The following HLA-DPA1 variants were observed in gnomAD, a reference collection of about 807,000 sequenced individuals.
HLA-DPA1 encodes the protein HLA class II histocompatibility antigen, DP alpha 1 chain.
In HLA-DPA1, 20 loss-of-function variants were observed where a neutral mutation model predicts 21.5. The ratio of observed to expected loss-of-function variants is 0.93; its 90% CI spans 0.66 to 1.35. The LOEUF is 1.35. Among genes scored for constraint, HLA-DPA1 ranks in the 40% most tolerant of loss-of-function variants. The probability of loss-of-function intolerance (pLI) is 0.00; values close to 1 mark genes in which losing one functional copy is unlikely to be tolerated. For synonymous variants in HLA-DPA1, 123 were observed against 129.6 expected (o/e 0.95, Z 0.35); for missense variants, 279 against 323.0 (o/e 0.86, Z 1.05).
chr6:33,078,285 G>T (rs1037993135), intron 1 of HLA-DPA1, among the ~76,000 whole-genome samples: 3 of 152,156 alleles, frequency 2.0e-5, no homozygotes, highest in East Asian at 1.9e-4. Flanking sequence ...TCCCTGCGTA[G>T]AATGAATGTT....
chr6:33,069,796 T>C (rs745439716), exon 3 of HLA-DPA1: 5 of 1,611,364 alleles, frequency 3.1e-6, no homozygotes, highest in East Asian at 2.2e-5. Context: ...CAGATCCACA[T>C]AGAACATCTC....
intron 1 of HLA-DPA1, 31 bp from the exon 1 acceptor site, chr6:33,073,680 G>A: frequency 1.4e-6 from 1 of 725,108 alleles, no homozygotes; most frequent in Non-Finnish European, 2.4e-6. Context: ...CTGGAAATGG[G>A]TGGAGAGGAA....
At chr6:33,068,656 G>C (rs756588838) in exon 5 of HLA-DPA1, 144 of 1,611,766 alleles carry the variant, frequency 8.9e-5, no homozygotes, top group Non-Finnish European at 1.1e-4. Context: ...TATTTCACAG[G>C]GTCCCCTGGG....
chr6:33,078,748 T>TA (rs1476927891), intron 1 of HLA-DPA1, among the ~76,000 whole-genome samples: 2 of 152,138 alleles, frequency 1.3e-5, no homozygotes, highest in Non-Finnish European at 2.9e-5. Flanking sequence ...CTGGGTAAAT[T>TA]AAAAAAATTA....
In HLA-DPA1 at chr6:33,080,578, A is replaced by G; in HGVS notation, c.-100+102T>C. The G allele has an allele frequency of 6.4e-7, 1 of 1,569,764 alleles. No homozygotes were observed. The highest frequency in any genetic ancestry group is 8.7e-7 in the Non-Finnish European group (1 of 1,143,294). On this transcript the variant is annotated intron_variant, in intron 1 of 5. Transcript: ENST00000419277. The surrounding 1 kb of genome is among the most constrained non-coding windows in gnomAD (Gnocchi z 4.3). ...TTTTAAAATCCAGCCCTGGGTGGGA[A>G]GATTTGGGAAGAATCGTTAATATTG...
At chr6:33,070,490 A>T (rs1259200628) in intron 2 of HLA-DPA1, among the ~76,000 whole-genome samples, 1 of 152,174 alleles carries the variant, frequency 6.6e-6, no homozygotes, top group Non-Finnish European at 1.5e-5. Context: ...ATTATAGAAA[A>T]GGTAGAAAAA....
intron 1 of HLA-DPA1, chr6:33,076,148 G>T (rs753743910): frequency 1.9e-6 from 3 of 1,581,438 alleles, no homozygotes; most frequent in Admixed American, 3.4e-5. Flanking sequence ...CCAGGTAAGA[G>T]CCGAACTGCC....
At chr6:33,072,102 A>C (rs1166061375) in intron 2 of HLA-DPA1, among the ~76,000 whole-genome samples, 1 of 152,220 alleles carries the variant, frequency 6.6e-6, no homozygotes, top group East Asian at 1.9e-4. Context: ...ATCCAGGTAA[A>C]CAGGAGAAAA....
intron 1 of HLA-DPA1, among the ~76,000 whole-genome samples, chr6:33,074,978 GA>G (rs1762467367): frequency 6.6e-6 from 1 of 152,156 alleles, no homozygotes; most frequent in African/African-American, 2.4e-5. Flanking sequence ...TTGATTTAAA[GA>G]AATGATGCCA....
intron 5 of HLA-DPA1, chr6:33,068,402 T>C (rs1244170709): frequency 4.6e-6 from 2 of 436,128 alleles, no homozygotes; most frequent in Non-Finnish European, 8.1e-6. Flanking sequence ...TGTGAAATAG[T>C]GAAAATAATA....
intron 1 of HLA-DPA1, among the ~76,000 whole-genome samples, chr6:33,077,254 C>A (rs957302753): frequency 1.3e-5 from 2 of 151,960 alleles, no homozygotes; most frequent in African/African-American, 4.8e-5. Context: ...TGAACTCATC[C>A]TTTTTTATGG....
exon 6 of HLA-DPA1, chr6:33,064,986 C>T (rs1255490291): frequency 6.6e-6 from 1 of 152,090 alleles, no homozygotes; most frequent in Non-Finnish European, 1.5e-5. Context: ...CCTAGACTTC[C>T]AGTAAGAATG....
intron 3 of HLA-DPA1, 167 bp downstream of exon 2, chr6:33,069,474 G>A: frequency 9.6e-7 from 1 of 1,046,594 alleles, no homozygotes; most frequent in Non-Finnish European, 1.4e-6. Flanking sequence ...TCTCTCTCCT[G>A]AGAAGAGAGG....
At chr6:33,074,123 A>G (rs1762423607) in intron 1 of HLA-DPA1, among the ~76,000 whole-genome samples, 1 of 152,138 alleles carries the variant, frequency 6.6e-6, no homozygotes, top group African/African-American at 2.4e-5. Flanking sequence ...TTATTTAATC[A>G]TTTCTGCAGA....
Position 33,071,404 on chromosome 6 carries a change from A to G in HLA-DPA1, c.101-1518T>C, listed in dbSNP as rs968796122. Among the ~76,000 whole-genome samples, 529 of 152,336 alleles carry G rather than the reference A, an allele frequency of 3.5e-3. 2 individuals are homozygous for G. The highest frequency in any genetic ancestry group is 0.025 in the East Asian group (131 of 5,188). ...CACAAAGTCCTCTAGCAGTTATTGG[A>G]AACTCATCTTCTTAATACATGAATG... On this transcript the variant is annotated intron_variant, in intron 2 of 5. Coordinates refer to ENST00000419277, the Ensembl canonical transcript of HLA-DPA1.
chr6:33,069,229 T>C (rs1383643623), exon 4 of HLA-DPA1: 2 of 1,612,970 alleles, frequency 1.2e-6, no homozygotes, highest in Admixed American at 1.7e-5. Flanking sequence ...AACTTGTCAA[T>C]GTGGCAGATG....
chr6:33,070,070 G>A (rs1349629752), intron 2 of HLA-DPA1, among the ~76,000 whole-genome samples, 184 bp from the exon 2 acceptor site: 1 of 152,184 alleles, frequency 6.6e-6, no homozygotes, highest in Non-Finnish European at 1.5e-5. Flanking sequence ...CAGATGAGCA[G>A]TTATAAAAAG....
chr6:33,066,456 A>C (rs1761958159), intron 5 of HLA-DPA1: 1 of 152,256 alleles, frequency 6.6e-6, no homozygotes, highest in African/African-American at 2.4e-5. Context: ...GATGAATTAA[A>C]GTAGTAAATG....
chr6:33,070,416 T>G (rs73739699), intron 2 of HLA-DPA1, among the ~76,000 whole-genome samples: 43,908 of 151,930 alleles, frequency 0.29, 8,369 homozygotes, highest in East Asian at 0.69. Flanking sequence ...AATTTTTCTA[T>G]GACACAGATG....
Sources: gnomAD v4.1 joint callset for allele counts (sites outside exome capture counted in the v4.1 genomes callset) on GRCh38, gnomAD v4.1.1 for gene constraint, Gnocchi (gnomAD v3.1) non-coding constraint, MANE v1.5 for transcripts, NCBI Gene and HGNC (gene_info 2026-07-23, HGNC 2026-07-21) for gene names.